MLIP: variants seen among roughly 807,000 people sequenced by gnomAD.
The protein encoded by MLIP is muscular LMNA-interacting protein.
Under a neutral mutation model 84.8 loss-of-function variants are expected in MLIP, and 79 were observed. The observed-to-expected ratio is 0.93, with a 90% confidence interval of 0.78 to 1.12. The LOEUF (loss-of-function observed/expected upper bound fraction) is 1.12. MLIP is among the 50% of genes most tolerant of loss of function. MLIP has a pLI of 0.00. For synonymous variants in MLIP, 504 were observed against 463.0 expected, an observed-to-expected ratio of 1.09 and a Z score of -1.14; for missense variants, 1,257 against 1,160.6, an observed-to-expected ratio of 1.08 and a Z score of -1.21.
intron 3 of MLIP, among the ~76,000 whole-genome samples, chr6:54,129,017 G>C (rs1390634481): frequency 6.6e-6 from 1 of 152,014 alleles, no homozygotes; most frequent in African/African-American, 2.4e-5. Flanking sequence ...GTAAGAACTG[G>C]GGAGAGGAAT....
intron 1 of MLIP, among the ~76,000 whole-genome samples, chr6:54,037,091 G>A (rs1332160219): frequency 6.6e-6 from 1 of 152,042 alleles, no homozygotes; most frequent in Non-Finnish European, 1.5e-5. Context: ...ACTAGTCAGA[G>A]TTTGGGCAGT....
At chr6:54,070,175 C>T (rs1766397405) in intron 1 of MLIP, among the ~76,000 whole-genome samples, 1 of 152,212 alleles carries the variant, frequency 6.6e-6, no homozygotes, top group Non-Finnish European at 1.5e-5. Flanking sequence ...GACTGCTTTA[C>T]TGTTCACTGT....
intron 8 of MLIP, among the ~76,000 whole-genome samples, chr6:54,167,474 C>T (rs537197087): frequency 4.0e-5 from 6 of 151,894 alleles, no homozygotes; most frequent in African/African-American, 1.4e-4. Context: ...TTCAGCTTAA[C>T]CTTTATCTCC....
At chr6:54,207,028 T>C (rs1235560115) in intron 11 of MLIP, among the ~76,000 whole-genome samples, 1 of 152,132 alleles carries the variant, frequency 6.6e-6, no homozygotes, top group African/African-American at 2.4e-5. Context: ...AGAAATGAAT[T>C]AGTGGTTTGC....
At chr6:54,249,161 T>C (rs545198259) in intron 12 of MLIP, among the ~76,000 whole-genome samples, 1 of 152,170 alleles carries the variant, frequency 6.6e-6, no homozygotes, top group East Asian at 1.9e-4. Flanking sequence ...AATAGATTTT[T>C]TTGCTTAAGC....
Position 54,099,769 on chromosome 6 carries a change from T to C in MLIP, c.64-21678T>C, listed in dbSNP as rs557560272. Among the ~76,000 whole-genome samples the C allele has an allele frequency of 9.8e-5, 15 of 152,296 alleles. No individual in the cohort carries two copies. The South Asian group carries it at 3.1e-3, about 32-fold the overall frequency. On this transcript the variant is annotated intron_variant, in intron 1 of 12. Transcript: ENST00000274897. ...AAAGTATTTATGTTTTTAGAATTGG[T>C]AATTAGAACAGGCAGATTTGAAGGG...
At chr6:54,114,772 G>A (rs1338706726) in intron 1 of MLIP, among the ~76,000 whole-genome samples, 1 of 152,158 alleles carries the variant, frequency 6.6e-6, no homozygotes, top group Non-Finnish European at 1.5e-5. Flanking sequence ...CTAGAATAGT[G>A]CCTAGCATTT....
chr6:54,049,432 C>A (rs937865263), intron 1 of MLIP, among the ~76,000 whole-genome samples: 2 of 152,092 alleles, frequency 1.3e-5, no homozygotes, highest in African/African-American at 4.8e-5. Flanking sequence ...ATTGCTGGTT[C>A]GTTATGAAGC....
At position 54,065,245 on chromosome 6, in the gene MLIP, G is replaced by A. The variant is rs183658844; in HGVS notation, c.63+46154G>A. Reference sequence around the variant, plus strand: ...TAAAATCAATTGATTCATGCTAAACGTCCAGAACGGTACCTGATAAATTCT... The same window carrying A: ...TAAAATCAATTGATTCATGCTAAACATCCAGAACGGTACCTGATAAATTCT... On this transcript the variant is annotated intron_variant, in intron 1 of 12. Coordinates refer to the MLIP transcript ENST00000274897. 2.3e-3 allele frequency among the ~76,000 whole-genome samples: 234 copies of A among 100,006 alleles called. 25 individuals are homozygous for A. The highest frequency in any genetic ancestry group is 5.5e-3 in the African/African-American group (217 of 39,166). The allele number at this position is 100,006 out of a possible 152,430, so 65.6% of individuals were successfully genotyped here. A position where few individuals can be genotyped will look rare whatever the true frequency, so the allele number is the denominator to read the frequency against.
chr6:54,095,661 A>T (rs1768158607), intron 1 of MLIP, among the ~76,000 whole-genome samples: 1 of 152,176 alleles, frequency 6.6e-6, no homozygotes, highest in African/African-American at 2.4e-5. Context: ...ACCCCTCAAC[A>T]AGGGGAAGAG....
intron 12 of MLIP, among the ~76,000 whole-genome samples, chr6:54,239,202 A>AAG (rs1781560144): frequency 6.6e-6 from 1 of 151,742 alleles, no homozygotes; most frequent in Non-Finnish European, 1.5e-5. Flanking sequence ...TCTTGCCCAG[A>AAG]ACCCCTCATA....
At position 54,231,609 on chromosome 6, in the gene MLIP, C is replaced by T. The variant is rs979635741; in HGVS notation, c.2922+692C>T. Among the ~76,000 whole-genome samples, 5 of 152,236 alleles carry T rather than the reference C, an allele frequency of 3.3e-5. No individual in the cohort carries two copies. In the East Asian group the frequency reaches 9.6e-4, roughly 29 times the overall value. On this transcript the variant is annotated intron_variant, in intron 12 of 13. Transcript: ENST00000502396. Reference sequence around the variant, plus strand: ...TACATGGGGCTTACATATAAGTGCCCTTTGCTCTTCTGATAAGGGCATCCT... The same window carrying T: ...TACATGGGGCTTACATATAAGTGCCTTTTGCTCTTCTGATAAGGGCATCCT...
chr6:54,057,835 A>G (rs1765748959), intron 1 of MLIP: 1 of 152,228 alleles, frequency 6.6e-6, no homozygotes, highest in Admixed American at 6.5e-5. Flanking sequence ...CTCCTGTTTT[A>G]CTGAAGAAAT....
intron 1 of MLIP, among the ~76,000 whole-genome samples, chr6:54,085,408 G>A (rs929554341): frequency 1.1e-4 from 17 of 152,134 alleles, no homozygotes; most frequent in Non-Finnish European, 2.9e-5. Flanking sequence ...GATTATAGTC[G>A]TACCTATTTC....
intron 12 of MLIP, among the ~76,000 whole-genome samples, chr6:54,235,507 T>C (rs1051434172): frequency 2.0e-5 from 3 of 152,200 alleles, no homozygotes; most frequent in Non-Finnish European, 2.9e-5. Context: ...CATCTTGTAT[T>C]TATTTGTTGT....
Position 54,137,150 on chromosome 6 carries a change from G to A in MLIP, c.1081G>A (p.Ala361Thr). 6.5e-7 allele frequency: 1 copy of A among 1,535,954 alleles called. No individual in the cohort carries two copies. The highest frequency in any genetic ancestry group is 8.7e-7 in the Non-Finnish European group (1 of 1,146,856). Residue 361 changes from alanine to threonine, a missense_variant, in exon 4 of 14, where the codon GCC becomes ACC. By Grantham distance (58) the Ala-to-Thr change is moderately conservative. Transcript: ENST00000502396. ...SSSASLKSNS[A>T]SYIPVRIVTH... ...CAGTGCTTCTCTGAAGTCGAATTCG[G>A]CCTCGTACATACCAGTCCGCATTGT...
intron 1 of MLIP, among the ~76,000 whole-genome samples, chr6:54,060,725 A>G (rs577674902): frequency 3.3e-4 from 50 of 152,326 alleles, no homozygotes; most frequent in Admixed American, 3.1e-3. Context: ...TATAGAGAAA[A>G]AAGGTATTTA....
chr6:54,023,829 C>CA (rs1763648184), intron 1 of MLIP, among the ~76,000 whole-genome samples: 1 of 152,242 alleles, frequency 6.6e-6, no homozygotes, highest in South Asian at 2.1e-4. Context: ...CTCAGCCTCC[C>CA]AAAGTGATAG....
At chr6:54,231,074 A>C (rs1780967699) in intron 12 of MLIP, among the ~76,000 whole-genome samples, 157 bp downstream of exon 12, 1 of 152,258 alleles carries the variant, frequency 6.6e-6, no homozygotes, top group Non-Finnish European at 1.5e-5. Context: ...GTGAAAGCAC[A>C]TTACCTTATA....
Sources: allele counts gnomAD v4.1 joint callset (sites outside exome capture counted in the v4.1 genomes callset), GRCh38; gene constraint gnomAD v4.1.1; transcripts MANE v1.5; gene names NCBI Gene and HGNC (gene_info 2026-07-23, HGNC 2026-07-21).